ADGB: variants seen among roughly 807,000 people sequenced by gnomAD.
ADGB encodes the protein androglobin, also known as calpain-7-like protein.
A neutral mutation model predicts 210.5 loss-of-function variants in ADGB; 172 were observed. The observed-to-expected ratio is 0.82, with a 90% CI of 0.72 to 0.93. The LOEUF (loss-of-function observed/expected upper bound fraction) is 0.93, where lower values mean the gene tolerates loss of function less well. Among genes scored for constraint, ADGB ranks in the 40% least tolerant of loss-of-function variants. The pLI is 0.00. For missense variants in ADGB, 2,025 were observed against 1,964.8 expected, an observed-to-expected ratio of 1.03 and a Z score of -0.58; for synonymous variants, 658 against 662.7, an observed-to-expected ratio of 0.99 and a Z score of 0.11.
At chr6:146,617,834 C>T (rs1460737275) in intron 1 of ADGB, among the ~76,000 whole-genome samples, 1 of 151,992 alleles carries the variant, frequency 6.6e-6, no homozygotes, top group South Asian at 2.1e-4. Context: ...CTGTTGAATT[C>T]GGTTTGCCAG....
chr6:146,689,638 A>T (rs1329267753), intron 10 of ADGB, among the ~76,000 whole-genome samples: 1 of 152,188 alleles, frequency 6.6e-6, no homozygotes, highest in Non-Finnish European at 1.5e-5. Flanking sequence ...TATGACTAGT[A>T]AAGTATCTGG....
chr6:146,740,592 A>G lies in ADGB; in HGVS notation c.3022A>G (p.Arg1008Gly). ...ACCAAATTCTTGGTTTATAGTATTC[A>G]GGTGAGGTTGTTATATAGTGACAAA... ...QPPNSWFIVF[R>G]ETFLVHQDMI... The change falls in exon 24 of 36, where the codon AGA (arginine) becomes GGA (glycine). Residue 1008 changes from arginine to glycine, a missense_variant and splice_region_variant. Transcript: ENST00000397944. 1.3e-6 allele frequency: 2 copies of G among 1,550,182 alleles called. No homozygotes were observed. The highest frequency in any genetic ancestry group is 1.7e-6 in the Non-Finnish European group (2 of 1,146,376).
intron 10 of ADGB, among the ~76,000 whole-genome samples, chr6:146,689,252 C>T (rs1024790501): frequency 6.6e-6 from 1 of 152,108 alleles, no homozygotes; most frequent in Admixed American, 6.6e-5. Context: ...TATTGTAAAT[C>T]TCCCTCATCC....
At chr6:146,688,814 T>C (rs144418768) in intron 10 of ADGB, among the ~76,000 whole-genome samples, 4 of 152,224 alleles carry the variant, frequency 2.6e-5, no homozygotes, top group Non-Finnish European at 5.9e-5. Flanking sequence ...TAGGAAACAA[T>C]TTCTGTCTTA....
chr6:146,792,779 C>G (rs1777971621), intron 33 of ADGB, among the ~76,000 whole-genome samples: 1 of 152,096 alleles, frequency 6.6e-6, no homozygotes, highest in Non-Finnish European at 1.5e-5. Context: ...ACCAAGCAGC[C>G]TATCTCCAAG....
intron 1 of ADGB, among the ~76,000 whole-genome samples, chr6:146,618,069 G>A (rs561038503): frequency 4.1e-4 from 62 of 152,090 alleles, no homozygotes; most frequent in Middle Eastern, 3.4e-3. Context: ...ATAGGAAAAT[G>A]TTATTTAGAA....
At chr6:146,764,499 C>T (rs721369) in intron 28 of ADGB, among the ~76,000 whole-genome samples, 81,003 of 151,776 alleles carry the variant, frequency 0.53, 22,567 homozygotes, top group African/African-American at 0.68. Flanking sequence ...AGATAATGTA[C>T]ATATTTATAA....
intron 28 of ADGB, among the ~76,000 whole-genome samples, chr6:146,766,599 G>T (rs1371361810): frequency 1.3e-5 from 2 of 151,884 alleles, no homozygotes; most frequent in East Asian, 3.9e-4. Flanking sequence ...TAATAAAATT[G>T]AAACGATAAT....
At chr6:146,772,236 T>TGCAA (rs534081924) in intron 29 of ADGB, among the ~76,000 whole-genome samples, 241 of 152,042 alleles carry the variant, frequency 1.6e-3, no homozygotes, top group African/African-American at 5.4e-3. Flanking sequence ...CATAAAAATG[T>TGCAA]GCAATCATGA....
At chr6:146,682,253 A>G (rs1776167941) in intron 9 of ADGB, among the ~76,000 whole-genome samples, 1 of 152,144 alleles carries the variant, frequency 6.6e-6, no homozygotes, top group Admixed American at 6.6e-5. Context: ...GTATTTAAGT[A>G]ATCTTACGTA....
At chr6:146,749,236 C>A (rs909436295) in intron 26 of ADGB, among the ~76,000 whole-genome samples, 1 of 152,050 alleles carries the variant, frequency 6.6e-6, no homozygotes, top group Non-Finnish European at 1.5e-5. Context: ...ACAACTGATT[C>A]CTTTTTAGTT....
chr6:146,630,976 A>G (rs551601744), intron 1 of ADGB, among the ~76,000 whole-genome samples: 33 of 152,316 alleles, frequency 2.2e-4, no homozygotes, highest in African/African-American at 7.7e-4. Context: ...ACCCTGGAGG[A>G]AAAGGATAGG....
chr6:146,673,956 T>C (rs376131800), intron 8 of ADGB, among the ~76,000 whole-genome samples: 1 of 152,222 alleles, frequency 6.6e-6, no homozygotes, highest in South Asian at 2.1e-4. Flanking sequence ...AAGTGGAACA[T>C]CTAAGAGGTT....
At chr6:146,676,277 A>G in intron 8 of ADGB, 36 bp from the exon 9 acceptor site, 1 of 1,505,532 alleles carries the variant, frequency 6.6e-7, no homozygotes, top group Non-Finnish European at 8.9e-7. Flanking sequence ...GAGATTGTCT[A>G]GTTAAAATAT....
intron 3 of ADGB, among the ~76,000 whole-genome samples, chr6:146,649,901 G>T (rs1199188856): frequency 2.0e-5 from 3 of 152,080 alleles, no homozygotes; most frequent in Non-Finnish European, 2.9e-5. Context: ...AGCCAGTTTG[G>T]TAGTATGTTA....
chr6:146,726,332 CT>C, intron 19 of ADGB, 135 bp downstream of exon 19: 2 of 536,816 alleles, frequency 3.7e-6, no homozygotes, highest in Non-Finnish European at 6.7e-6. Context: ...AGCAATTCTC[CT>C]TGCCTCAGCC....
chr6:146,633,594 C>T (rs1781096284), intron 1 of ADGB, among the ~76,000 whole-genome samples: 1 of 152,090 alleles, frequency 6.6e-6, no homozygotes, highest in African/African-American at 2.4e-5. Context: ...GAATACTCTT[C>T]CTTCCTGTAT....
intron 13 of ADGB, among the ~76,000 whole-genome samples, chr6:146,712,705 A>G (rs918836088): frequency 1.3e-5 from 2 of 151,570 alleles, no homozygotes; most frequent in Admixed American, 6.6e-5. Flanking sequence ...TTTTTTTCTC[A>G]TTTATTTTAA....
At chr6:146,654,290 C>G (rs1426767875) in intron 4 of ADGB, 84 bp downstream of exon 4, 7 of 782,908 alleles carry the variant, frequency 8.9e-6, no homozygotes, top group Non-Finnish European at 1.2e-5. Flanking sequence ...TCGATTTCAA[C>G]TCTCCCTTGC....
Sources: allele counts gnomAD v4.1 joint callset (sites outside exome capture counted in the v4.1 genomes callset), GRCh38; gene constraint gnomAD v4.1.1; transcripts MANE v1.5; gene names NCBI Gene and HGNC (gene_info 2026-07-23, HGNC 2026-07-21).